The following ESRRG variants were observed in gnomAD, a reference collection of about 807,000 sequenced individuals.
ESRRG encodes estrogen related receptor gamma.
Under a neutral mutation model 44.0 loss-of-function variants are expected in ESRRG, and 13 were observed. The ratio of observed to expected loss-of-function variants is 0.30; its 90% CI spans 0.19 to 0.47. The LOEUF is 0.47. Among genes scored for constraint, ESRRG ranks in the 20% least tolerant of loss-of-function variants. The pLI is 1.00. For synonymous variants in ESRRG, 215 were observed against 214.6 expected, an observed-to-expected ratio of 1.00 and a Z score of -0.02; for missense variants, 395 against 580.6, an observed-to-expected ratio of 0.68 and a Z score of 3.29.
chr1:216,551,489 G>A (rs1220166638), intron 5 of ESRRG, among the ~76,000 whole-genome samples: 5 of 152,000 alleles, frequency 3.3e-5, no homozygotes, highest in African/African-American at 4.8e-5. Context: ...AATATAGTAC[G>A]GTTAGATTTA....
At chr1:217,110,950 C>T (rs1055070372) in intron 1 of ESRRG, among the ~76,000 whole-genome samples, 4 of 152,128 alleles carry the variant, frequency 2.6e-5, no homozygotes, top group Admixed American at 2.0e-4. Context: ...TTACCTACCT[C>T]GACTCTTGAC....
chr1:216,863,309 A>C (rs750257583), intron 2 of ESRRG: 21 of 152,166 alleles, frequency 1.4e-4, no homozygotes, highest in Non-Finnish European at 2.5e-4. Flanking sequence ...AAAATAGAGA[A>C]ATTATAGCAT....
intron 2 of ESRRG, among the ~76,000 whole-genome samples, chr1:216,922,351 A>G (rs554296692): frequency 9.8e-5 from 15 of 152,294 alleles, no homozygotes; most frequent in African/African-American, 3.6e-4. Flanking sequence ...GGCCCTGCCT[A>G]AGAGGGTTTC....
intron 3 of ESRRG, among the ~76,000 whole-genome samples, chr1:216,626,351 A>G (rs983129098): frequency 1.3e-5 from 2 of 151,946 alleles, no homozygotes; most frequent in African/African-American, 4.8e-5. Flanking sequence ...CTCACTTCCC[A>G]TCTTGTGTTT....
rs368268431 is a variant in ESRRG, at chr1:216,986,414, T to C, written c.-105-46741A>G. On this transcript the variant is annotated intron_variant, in intron 1 of 7. Transcript: ENST00000359162. ...GGCCTGGCTCCAAACCAATGGGTCA[T>C]AGATGAGAGAAGGTTTGAGGCCGGC... is the stretch of plus-strand genomic sequence containing the variant. Among the ~76,000 whole-genome samples the C allele has an allele frequency of 5.9e-5, 9 of 152,170 alleles. No homozygotes were observed. The East Asian group carries it at 7.8e-4, about 13-fold the overall frequency.
At chr1:216,960,197 G>T (rs1336759953) in intron 1 of ESRRG, among the ~76,000 whole-genome samples, 1 of 151,966 alleles carries the variant, frequency 6.6e-6, no homozygotes, top group Admixed American at 6.6e-5. Flanking sequence ...CATATTTTAT[G>T]GTGTTTGAAT....
At chr1:216,671,931 AC>A (rs974235082) in intron 2 of ESRRG, among the ~76,000 whole-genome samples, 4 of 152,090 alleles carry the variant, frequency 2.6e-5, no homozygotes, top group Admixed American at 1.3e-4. Flanking sequence ...TATTACTTAT[AC>A]TTGGGTATAA....
chr1:217,089,955 T>A (rs1313932502), upstream of ESRRG, among the ~76,000 whole-genome samples: 1 of 152,188 alleles, frequency 6.6e-6, no homozygotes, highest in Non-Finnish European at 1.5e-5. Flanking sequence ...GCTGCCAGGT[T>A]CTCCTCGGGT....
chr1:216,950,342 C>A (rs1243147452), intron 1 of ESRRG, among the ~76,000 whole-genome samples: 3 of 152,076 alleles, frequency 2.0e-5, no homozygotes, highest in African/African-American at 7.2e-5. Flanking sequence ...GTAGGAACAC[C>A]TAGATAAATT....
At chr1:216,833,852 T>C (rs563675070) in intron 2 of ESRRG, among the ~76,000 whole-genome samples, 21 of 152,314 alleles carry the variant, frequency 1.4e-4, no homozygotes, top group African/African-American at 3.8e-4. Flanking sequence ...ATGCTACGGA[T>C]AGCACATATG....
intron 1 of ESRRG, among the ~76,000 whole-genome samples, chr1:217,045,995 T>C (rs1246122412): frequency 6.6e-6 from 1 of 152,106 alleles, no homozygotes; most frequent in Non-Finnish European, 1.5e-5. Context: ...AAAATAATAA[T>C]TCTGCTAAAT....
At chr1:216,728,834 T>C (rs2088112699) in intron 2 of ESRRG, among the ~76,000 whole-genome samples, 1 of 152,058 alleles carries the variant, frequency 6.6e-6, no homozygotes. Context: ...CTGGTATCCA[T>C]ATAAACAGGT....
chr1:216,757,902 A>G (rs558832270), intron 2 of ESRRG, among the ~76,000 whole-genome samples: 1 of 152,236 alleles, frequency 6.6e-6, no homozygotes, highest in South Asian at 2.1e-4. Context: ...ACTAATAGAT[A>G]GTACTCTTTA....
intron 1 of ESRRG, among the ~76,000 whole-genome samples, chr1:217,119,717 T>C (rs1295062994): frequency 6.6e-6 from 1 of 152,236 alleles, no homozygotes. Flanking sequence ...GAGGCATTAT[T>C]TGAAACAAAG....
intron 1 of ESRRG, among the ~76,000 whole-genome samples, chr1:216,960,446 T>C (rs2150168027): frequency 6.6e-6 from 1 of 152,320 alleles, no homozygotes; most frequent in South Asian, 2.1e-4. Context: ...TTTGATTACA[T>C]GAATGTGTCC....
At chr1:216,562,398 T>G (rs1432655026) in intron 5 of ESRRG, among the ~76,000 whole-genome samples, 1 of 152,204 alleles carries the variant, frequency 6.6e-6, no homozygotes, top group Non-Finnish European at 1.5e-5. Flanking sequence ...CAAGTGTTTT[T>G]TACCTCTCTC....
At chr1:217,060,107 T>C (rs1352766875) in intron 1 of ESRRG, among the ~76,000 whole-genome samples, 1 of 152,020 alleles carries the variant, frequency 6.6e-6, no homozygotes, top group African/African-American at 2.4e-5. Context: ...ACAATACGTA[T>C]ATAATATGCA....
chr1:217,032,309 A>T (rs2082192786), intron 1 of ESRRG, among the ~76,000 whole-genome samples: 1 of 152,094 alleles, frequency 6.6e-6, no homozygotes, highest in African/African-American at 2.4e-5. Flanking sequence ...CAGATCCCTA[A>T]CCATTTCTGG....
chr1:216,631,918 C>T (rs1011398815), intron 3 of ESRRG, among the ~76,000 whole-genome samples: 10 of 152,092 alleles, frequency 6.6e-5, no homozygotes, highest in African/African-American at 2.4e-4. Flanking sequence ...AGCAGGGGGA[C>T]AGGAAGCCAG....
Sources: gnomAD v4.1 joint callset for allele counts (sites outside exome capture counted in the v4.1 genomes callset) on GRCh38, gnomAD v4.1.1 for gene constraint, MANE v1.5 for transcripts, NCBI Gene and HGNC (gene_info 2026-07-23, HGNC 2026-07-21) for gene names.